The following OTUD7A variants were observed in gnomAD, a reference collection of about 807,000 sequenced individuals.
OTUD7A encodes the protein OTU domain-containing protein 7A.
In OTUD7A, 12 loss-of-function variants were observed where a neutral mutation model predicts 65.7. The observed-to-expected ratio is 0.18, with a 90% CI of 0.12 to 0.30. The LOEUF (loss-of-function observed/expected upper bound fraction) is 0.30. OTUD7A is among the 10% of genes least tolerant of loss of function. OTUD7A has a pLI of 1.00. For synonymous variants in OTUD7A, 641 were observed against 586.3 expected (o/e 1.09, Z -1.35); for missense variants, 1,148 against 1,304.8 (o/e 0.88, Z 1.85).
chr15:31,675,778 AG>A (rs1892582886), intron 1 of OTUD7A, among the ~76,000 whole-genome samples: 1 of 152,372 alleles, frequency 6.6e-6, no homozygotes. Context: ...ATTTCATAAT[AG>A]CCAACCAACC....
At chr15:31,635,273 C>T (rs532826076) in intron 3 of OTUD7A, among the ~76,000 whole-genome samples, 46 of 152,306 alleles carry the variant, frequency 3.0e-4, no homozygotes, top group African/African-American at 8.4e-4. Context: ...GTACTAAATA[C>T]GGCACTACCT....
chr15:31,694,765 G>A (rs1278594288), intron 1 of OTUD7A, among the ~76,000 whole-genome samples: 3 of 151,890 alleles, frequency 2.0e-5, no homozygotes, highest in African/African-American at 7.3e-5. Context: ...TGCCCTCCAG[G>A]TTCATTCTTG....
At chr15:31,784,993 TAC>T (rs1895634506) in intron 1 of OTUD7A, among the ~76,000 whole-genome samples, 1 of 152,142 alleles carries the variant, frequency 6.6e-6, no homozygotes, top group Non-Finnish European at 1.5e-5. Flanking sequence ...AACGCGGGCA[TAC>T]AGATAACACG....
chr15:31,608,216 C>T (rs939065065), intron 3 of OTUD7A, among the ~76,000 whole-genome samples: 3 of 152,004 alleles, frequency 2.0e-5, no homozygotes, highest in African/African-American at 7.3e-5. Context: ...CACTGCACTC[C>T]AGCCTGGAGA....
intron 1 of OTUD7A, among the ~76,000 whole-genome samples, chr15:31,850,669 C>T (rs1897402392): frequency 6.6e-6 from 1 of 152,144 alleles, no homozygotes; most frequent in South Asian, 2.1e-4. Flanking sequence ...GCATACAAAG[C>T]ACTTTTACAA....
intron 3 of OTUD7A, among the ~76,000 whole-genome samples, chr15:31,625,353 T>C (rs1163773850): frequency 2.6e-5 from 4 of 151,600 alleles, no homozygotes; most frequent in African/African-American, 9.7e-5. Context: ...GATTTTTGTA[T>C]GCGGCAATAG....
At chr15:31,547,618 G>A (rs1888174050) in intron 5 of OTUD7A, among the ~76,000 whole-genome samples, 1 of 152,028 alleles carries the variant, frequency 6.6e-6, no homozygotes, top group African/African-American at 2.4e-5. Context: ...TACGAGCTCT[G>A]TTACAGCAGA....
chr15:31,830,861 A>T (rs1896913486), intron 1 of OTUD7A, among the ~76,000 whole-genome samples: 1 of 152,254 alleles, frequency 6.6e-6, no homozygotes, highest in South Asian at 2.1e-4. Flanking sequence ...CAACAGGTTA[A>T]TATTACAAAC....
At chr15:31,860,682 T>C (rs1305104550) in intron 1 of OTUD7A, among the ~76,000 whole-genome samples, 8 of 125,072 alleles carry the variant, frequency 6.4e-5, no homozygotes, top group Middle Eastern at 3.9e-3. Flanking sequence ...TGTGTGTATA[T>C]ATATATATAT....
intron 1 of OTUD7A, among the ~76,000 whole-genome samples, chr15:31,792,355 C>T (rs1430950343): frequency 6.6e-6 from 1 of 152,138 alleles, no homozygotes; most frequent in Non-Finnish European, 1.5e-5. Context: ...CCAATGACTT[C>T]CCATCACATT....
chr15:31,548,588 A>T (rs778944813), intron 5 of OTUD7A, among the ~76,000 whole-genome samples: 3 of 152,062 alleles, frequency 2.0e-5, no homozygotes, highest in Non-Finnish European at 2.9e-5. Flanking sequence ...CTGTAAAATG[A>T]AGAGCATCTT....
intron 1 of OTUD7A, among the ~76,000 whole-genome samples, chr15:31,659,974 A>G (rs1461938365): frequency 6.6e-6 from 1 of 152,288 alleles, no homozygotes; most frequent in African/African-American, 2.4e-5. Flanking sequence ...ACATCTGAGC[A>G]ATGAGGGTGA....
At chr15:31,511,863 G>A (rs183535426) in intron 8 of OTUD7A, among the ~76,000 whole-genome samples, 1 of 150,958 alleles carries the variant, frequency 6.6e-6, no homozygotes, top group East Asian at 1.9e-4. Context: ...TTTAACCCCC[G>A]ACAATGGGGA....
intron 5 of OTUD7A, among the ~76,000 whole-genome samples, chr15:31,550,154 G>T (rs1595602412): frequency 6.6e-6 from 1 of 151,398 alleles, no homozygotes; most frequent in East Asian, 1.9e-4. Context: ...TGAGATCACG[G>T]GAAACTAGCT....
intron 1 of OTUD7A, among the ~76,000 whole-genome samples, chr15:31,761,706 A>G (rs955945): frequency 0.2 from 30,703 of 152,180 alleles, 3,535 homozygotes; most frequent in Admixed American, 0.28. Flanking sequence ...ATATCTGTAT[A>G]TGAATTGTCA....
chr15:31,833,267 G>A (rs1278380127), intron 1 of OTUD7A, among the ~76,000 whole-genome samples: 1 of 152,198 alleles, frequency 6.6e-6, no homozygotes. Flanking sequence ...GGATGGCAGT[G>A]GAGGCTCTTT....
chr15:31,616,796 G>C (rs1363569914), intron 3 of OTUD7A, among the ~76,000 whole-genome samples: 3 of 151,994 alleles, frequency 2.0e-5, no homozygotes, highest in African/African-American at 7.3e-5. Context: ...TGCCCACCTC[G>C]GCCTCCCAAA....
chr15:31,775,811 G>C (rs1895363949), intron 1 of OTUD7A, among the ~76,000 whole-genome samples: 2 of 152,200 alleles, frequency 1.3e-5, no homozygotes, highest in Admixed American at 1.3e-4. Flanking sequence ...CCTCAGGACA[G>C]GTTCTGAATC....
rs138037556 is a variant in OTUD7A at position 31,526,417 on chromosome 15, C to T, written c.825G>A (p.Thr275=). 117 of 1,602,326 alleles carry T rather than the reference C, an allele frequency of 7.3e-5. No homozygotes were observed. In the African/African-American group the frequency reaches 8.1e-4, roughly 11 times the overall value. Reference sequence around the variant, plus strand: ...CGCTGGAGGCCAGCTTCAGCAGCTCCGTCCACTCCCGCTCCCACTCCTCCT... The same window carrying T: ...CGCTGGAGGCCAGCTTCAGCAGCTCTGTCCACTCCCGCTCCCACTCCTCCT... The part of the protein sequence containing the change: ...YTEEEWEREW[T]ELLKLASSEP... Residue 275 remains threonine, a synonymous_variant, in exon 8 of 13, where the codon ACG becomes ACA. Coordinates refer to ENST00000307050, the MANE Select transcript of OTUD7A (RefSeq NM_001382637.1).
Sources: gnomAD v4.1 joint callset for allele counts (sites outside exome capture counted in the v4.1 genomes callset) on GRCh38, gnomAD v4.1.1 for gene constraint, MANE v1.5 for transcripts, NCBI Gene and HGNC (gene_info 2026-07-23, HGNC 2026-07-21) for gene names.